The following TXNRD1 variants were observed in gnomAD, a reference collection of about 807,000 sequenced individuals.
TXNRD1 encodes the protein thioredoxin reductase 1.
TXNRD1 carries 57 observed loss-of-function variants against 80.3 expected under a neutral mutation model. The observed-to-expected ratio is 0.71, with a 90% CI of 0.57 to 0.89. TXNRD1 has a LOEUF of 0.89. TXNRD1 is among the 40% of genes least tolerant of loss of function. TXNRD1 has a pLI of 0.00. For synonymous variants in TXNRD1, 291 were observed against 285.2 expected (o/e 1.02, Z -0.20); for missense variants, 730 against 803.0 (o/e 0.91, Z 1.10).
chr12:104,219,134 G>A (rs138624275), intron 1 of TXNRD1, among the ~76,000 whole-genome samples: 1,527 of 151,960 alleles, frequency 0.01, 34 homozygotes, highest in African/African-American at 0.035. Flanking sequence ...TGTAGAGATA[G>A]GTCTCACTAA....
chr12:104,279,387 A>G (rs1411882675), intron 3 of TXNRD1, among the ~76,000 whole-genome samples: 10 of 152,182 alleles, frequency 6.6e-5, no homozygotes. Context: ...TTCAAACTAG[A>G]TTTGCTCAAT....
chr12:104,333,053 A>G (rs1200189953), intron 14 of TXNRD1, among the ~76,000 whole-genome samples: 2 of 151,818 alleles, frequency 1.3e-5, no homozygotes, highest in Admixed American at 1.3e-4. Flanking sequence ...CCTGTCTTTA[A>G]TTCTCTAAAA....
chr12:104,308,898 CTT>C (rs11484262), intron 4 of TXNRD1, among the ~76,000 whole-genome samples: 14 of 129,700 alleles, frequency 1.1e-4, no homozygotes, highest in Admixed American at 5.0e-4. Flanking sequence ...AACAATGTTT[CTT>C]TTTTTTTTTT....
chr12:104,342,145 C>T (rs984200557), intron 16 of TXNRD1, among the ~76,000 whole-genome samples: 1 of 152,054 alleles, frequency 6.6e-6, no homozygotes, highest in Non-Finnish European at 1.5e-5. Context: ...ATTGATTAAT[C>T]ATTGGCCATT....
chr12:104,315,101 A>G (rs927477552), intron 6 of TXNRD1, among the ~76,000 whole-genome samples: 25 of 152,242 alleles, frequency 1.6e-4, no homozygotes, highest in African/African-American at 6.0e-4. Context: ...CATCCCCAGC[A>G]TAGCAACCCC....
intron 4 of TXNRD1, among the ~76,000 whole-genome samples, chr12:104,302,486 CTTTTTT>C (rs772202256): frequency 5.2e-5 from 4 of 76,226 alleles, no homozygotes; most frequent in African/African-American, 1.2e-4. Context: ...TATTCATTCC[CTTTTTT>C]TTTTTTTTTT....
At chr12:104,265,384 C>G (rs2033457689) in intron 3 of TXNRD1, 1 of 1,607,454 alleles carries the variant, frequency 6.2e-7, no homozygotes, top group Admixed American at 1.7e-5. Flanking sequence ...CCACACGCCG[C>G]CCCTCTACCG....
intron 7 of TXNRD1, among the ~76,000 whole-genome samples, chr12:104,317,552 C>T (rs545481620): frequency 6.6e-6 from 1 of 152,128 alleles, no homozygotes; most frequent in Non-Finnish European, 1.5e-5. Flanking sequence ...ATTTTCAAAA[C>T]TTACTGTATA....
intron 3 of TXNRD1, among the ~76,000 whole-genome samples, chr12:104,258,540 T>C (rs938520837): frequency 2.6e-5 from 4 of 152,092 alleles, no homozygotes; most frequent in African/African-American, 7.2e-5. Flanking sequence ...AGAGAAAGAT[T>C]GGTGGAGTAA....
In TXNRD1 at chr12:104,330,290, G is replaced by A. The variant is rs2035905927; in HGVS notation, c.1543-1244G>A. Among the ~76,000 whole-genome samples, 3 of 152,252 alleles carry A rather than the reference G, an allele frequency of 2.0e-5. No homozygotes were observed. In the East Asian group the frequency reaches 5.8e-4, roughly 29 times the overall value. ...ATAACTGCTAGGCTTTTACCAGATG[G>A]CATTATAAACCCTTGGCATTTACAT... On this transcript the variant is annotated intron_variant, in intron 13 of 16. Coordinates refer to ENST00000525566, the MANE Select transcript of TXNRD1 (RefSeq NM_001093771.3).
At chr12:104,313,713 T>G (rs10082720) in intron 6 of TXNRD1, among the ~76,000 whole-genome samples, 2,210 of 152,332 alleles carry the variant, frequency 0.015, 52 homozygotes, top group African/African-American at 0.05. Flanking sequence ...TGAGTCTTGA[T>G]GAATTATATG....
chr12:104,346,638 C>A (rs184499840), intron 16 of TXNRD1, among the ~76,000 whole-genome samples: 4 of 152,058 alleles, frequency 2.6e-5, no homozygotes, highest in Non-Finnish European at 2.9e-5. Context: ...GTATTGTTTC[C>A]CCGTCCTCAT....
chr12:104,310,825 A>G (rs752195551), intron 4 of TXNRD1, among the ~76,000 whole-genome samples: 25 of 152,232 alleles, frequency 1.6e-4, no homozygotes, highest in Admixed American at 5.2e-4. Context: ...GTCAGTATCA[A>G]TTGACAGTTT....
At chr12:104,291,734 G>A (rs1025116014) in intron 4 of TXNRD1, among the ~76,000 whole-genome samples, 4 of 152,072 alleles carry the variant, frequency 2.6e-5, no homozygotes, top group Admixed American at 2.0e-4. Context: ...CACCCACTTC[G>A]GCCTTCCAAA....
intron 4 of TXNRD1, chr12:104,305,211 G>A (rs1177151129): frequency 3.7e-6 from 1 of 271,462 alleles, no homozygotes; most frequent in African/African-American, 2.2e-5. Context: ...CCAAATTAAG[G>A]GATATTTGAT....
At chr12:104,218,807 C>T (rs1038795917) in intron 1 of TXNRD1, among the ~76,000 whole-genome samples, 18 of 151,908 alleles carry the variant, frequency 1.2e-4, no homozygotes, top group African/African-American at 4.1e-4. Flanking sequence ...GAGGTCTTGC[C>T]ATGTTGCCCA....
chr12:104,303,732 A>G, intron 4 of TXNRD1: 3 of 833,502 alleles, frequency 3.6e-6, no homozygotes, highest in Non-Finnish European at 1.7e-6. Context: ...CCGGGCCGCT[A>G]GTGCGCATGG....
chr12:104,288,566 A>G (rs1363412526), intron 3 of TXNRD1, among the ~76,000 whole-genome samples: 2 of 152,196 alleles, frequency 1.3e-5, no homozygotes, highest in African/African-American at 4.8e-5. Flanking sequence ...GAAAGTTGAG[A>G]TAAACGTGTA....
chr12:104,326,338 AT>A lies in TXNRD1; in HGVS notation c.1309-4del. ...GTTATTAGTCACTAATATATTAATA[AT>A]TTTTCAGGTGATGCTGGCAATAGGA... On this transcript the variant is annotated splice_region_variant and splice_polypyrimidine_tract_variant and intron_variant, in intron 11 of 16. Coordinates refer to ENST00000525566, the MANE Select transcript of TXNRD1 (RefSeq NM_001093771.3). 2 of 1,564,514 alleles carry A rather than the reference AT, an allele frequency of 1.3e-6. No individual in the cohort carries two copies. Among genetic ancestry groups the A allele is most frequent in the Admixed American group, 3.9e-5 (2 of 51,390 alleles).
Sources: allele counts gnomAD v4.1 joint callset (sites outside exome capture counted in the v4.1 genomes callset), GRCh38; gene constraint gnomAD v4.1.1; transcripts MANE v1.5; gene names NCBI Gene and HGNC (gene_info 2026-07-23, HGNC 2026-07-21).